Variants in SRGAP3 observed in about 807,000 individuals in gnomAD.
SRGAP3 encodes the protein SLIT-ROBO Rho GTPase activating protein 3.
SRGAP3 carries 39 observed loss-of-function variants against 121.1 expected under a neutral mutation model. That is an observed-to-expected ratio of 0.32 (90% CI 0.25 to 0.42). The LOEUF is 0.42. SRGAP3 is among the 10% of genes least tolerant of loss of function. The probability of loss-of-function intolerance (pLI) is 1.00; values close to 1 mark genes in which losing one functional copy is unlikely to be tolerated. For missense variants in SRGAP3, 1,213 were observed against 1,470.6 expected, an observed-to-expected ratio of 0.82 and a Z score of 2.86; for synonymous variants, 601 against 570.0, an observed-to-expected ratio of 1.05 and a Z score of -0.77.
chr3:9,150,793 G>A (rs534284112), intron 1 of SRGAP3, among the ~76,000 whole-genome samples: 1 of 152,344 alleles, frequency 6.6e-6, no homozygotes, highest in South Asian at 2.1e-4. Flanking sequence ...GTGTGTTGTG[G>A]CATTCATTCA....
intron 3 of SRGAP3, among the ~76,000 whole-genome samples, chr3:9,269,119 T>C (rs185660276): frequency 6.6e-6 from 1 of 152,314 alleles, no homozygotes; most frequent in East Asian, 1.9e-4. Context: ...ACAGGTCATA[T>C]CTTGAAAGGT....
intron 18 of SRGAP3, among the ~76,000 whole-genome samples, chr3:8,999,077 C>T (rs1481515987): frequency 6.6e-6 from 1 of 152,244 alleles, no homozygotes; most frequent in East Asian, 1.9e-4. Context: ...TGCAATTCAA[C>T]TCCTGTGTAT....
chr3:9,233,867 A>G (rs1272732605), intron 1 of SRGAP3, among the ~76,000 whole-genome samples: 3 of 152,212 alleles, frequency 2.0e-5, no homozygotes, highest in African/African-American at 7.2e-5. Flanking sequence ...GGCAGGGAAC[A>G]TAGTAGGAGC....
intron 2 of SRGAP3, among the ~76,000 whole-genome samples, chr3:9,123,793 G>GAA (rs1295511607): frequency 2.7e-5 from 4 of 145,876 alleles, no homozygotes; most frequent in South Asian, 2.2e-4. Flanking sequence ...TACACAGAGA[G>GAA]AGAGAGAGAG....
intron 21 of SRGAP3, 142 bp from the exon 22 acceptor site, chr3:8,986,074 A>G: frequency 6.6e-7 from 1 of 1,509,514 alleles, no homozygotes; most frequent in Non-Finnish European, 8.9e-7. Context: ...AGGATGTCTT[A>G]TAACCACATG....
chr3:9,170,744 G>A (rs1169392852), intron 1 of SRGAP3, among the ~76,000 whole-genome samples: 6 of 152,226 alleles, frequency 3.9e-5, no homozygotes, highest in Admixed American at 3.9e-4. Context: ...GAGGCCCAAG[G>A]AGGTGAGGGC....
rs148947845 is a variant in SRGAP3 at position 9,258,886 on chromosome 3, C to T, written n.442+67124G>A. Among the ~76,000 whole-genome samples the T allele has an allele frequency of 5.8e-4, 89 of 152,270 alleles. 2 individuals carry two copies. In the East Asian group the frequency reaches 6.2e-3, roughly 11 times the overall value. On this transcript the variant is annotated intron_variant and non_coding_transcript_variant, in intron 3 of 3. Coordinates refer to the SRGAP3 transcript ENST00000490889. Reference sequence around the variant, plus strand: ...CCTATTTGCGATCAACCCTGGAACCCGAGTGAGCTTTTCACGTGTGAATCA... The same window carrying T: ...CCTATTTGCGATCAACCCTGGAACCTGAGTGAGCTTTTCACGTGTGAATCA...
chr3:9,143,433 C>G (rs1030552871), intron 1 of SRGAP3, among the ~76,000 whole-genome samples: 1 of 152,182 alleles, frequency 6.6e-6, no homozygotes, highest in African/African-American at 2.4e-5. Context: ...CTCTTATGTT[C>G]TCCCTTCTGA....
intron 19 of SRGAP3, 40 bp from the exon 20 acceptor site, chr3:8,993,095 C>G: frequency 6.2e-7 from 1 of 1,611,934 alleles, no homozygotes. Flanking sequence ...CACCTTCCCC[C>G]AAAGAACCCA....
At position 8,990,636 on chromosome 3, in the gene SRGAP3, C is replaced by T; in HGVS notation, c.2762G>A (p.Gly921Asp). Residue 921 changes from glycine (G) to aspartate (D), a missense_variant, in exon 21 of 22, where the codon GGC becomes GAC. Physicochemically the swap from Gly to Asp is moderately conservative, Grantham distance 94. Around this residue, in one of 2 missense-constraint regions of SRGAP3, gnomAD observed 420 missense variants for 437.7 expected, o/e 0.96. Transcript: ENST00000383836. ...KRRMATFGSAGSINYPDKKAL... is the reference protein window; with the variant it reads ...KRRMATFGSADSINYPDKKAL... ...CTTCTTGTCAGGGTAGTTGATGCTG[C>T]CAGCGCTCCCGAACGTCGCCATCCT... 1 of 1,613,532 alleles carries T rather than the reference C, an allele frequency of 6.2e-7. No individual in the cohort carries two copies. The highest frequency in any genetic ancestry group is 8.5e-7 in the Non-Finnish European group (1 of 1,179,894).
chr3:9,206,233 T>C (rs770858848), intron 1 of SRGAP3, among the ~76,000 whole-genome samples: 130 of 152,310 alleles, frequency 8.5e-4, no homozygotes, highest in Non-Finnish European at 1.4e-3. Flanking sequence ...CTACGTGCAT[T>C]ATTGCATTTA....
chr3:8,995,256 G>C (rs926019639), intron 18 of SRGAP3, among the ~76,000 whole-genome samples: 1 of 152,174 alleles, frequency 6.6e-6, no homozygotes, highest in Non-Finnish European at 1.5e-5. Context: ...AGGATCGCTT[G>C]AGTCCAGGAG....
At chr3:9,064,054 C>T (rs1015715818) in intron 5 of SRGAP3, among the ~76,000 whole-genome samples, 2 of 152,192 alleles carry the variant, frequency 1.3e-5, no homozygotes, top group African/African-American at 4.8e-5. Flanking sequence ...CCCCTGCTCC[C>T]GCTAATGCCT....
intron 18 of SRGAP3, among the ~76,000 whole-genome samples, chr3:8,998,714 C>T (rs893519258): frequency 2.6e-5 from 4 of 152,156 alleles, no homozygotes; most frequent in African/African-American, 9.7e-5. Flanking sequence ...ACTCCTAGAA[C>T]AGACCCTAGG....
chr3:9,229,167 A>C (rs1384562940), intron 1 of SRGAP3, among the ~76,000 whole-genome samples: 1 of 152,006 alleles, frequency 6.6e-6, no homozygotes, highest in Admixed American at 6.5e-5. Flanking sequence ...AGGAAAGGTG[A>C]TATTATGGAC....
At chr3:9,310,537 G>A (rs986542945) in intron 3 of SRGAP3, among the ~76,000 whole-genome samples, 1 of 152,028 alleles carries the variant, frequency 6.6e-6, no homozygotes, top group Non-Finnish European at 1.5e-5. Flanking sequence ...AGTGCTTCTG[G>A]GAAGAGGTGC....
At chr3:9,301,186 C>T (rs1559266784) in intron 3 of SRGAP3, among the ~76,000 whole-genome samples, 1 of 152,176 alleles carries the variant, frequency 6.6e-6, no homozygotes, top group Non-Finnish European at 1.5e-5. Context: ...TAGGTTGGTT[C>T]CTGTTGTTTC....
chr3:9,216,726 A>ACCGCAGCACATGAG (rs1483520396), intron 1 of SRGAP3: 2 of 152,612 alleles, frequency 1.3e-5, no homozygotes, highest in Non-Finnish European at 2.9e-5. Flanking sequence ...AACTGACAAG[A>ACCGCAGCACATGAG]CCGCAGCACA....
chr3:9,026,920 C>A lies in SRGAP3; in HGVS notation c.1600+15G>T. On this transcript the variant is annotated intron_variant, in intron 13 of 21. Coordinates refer to ENST00000383836, the MANE Select transcript of SRGAP3 (RefSeq NM_014850.4). ...CTGCAGATTGCTGAAAACACTGGCC[C>A]AAGATCCAGCTTACCATATAAATTG... is the stretch of plus-strand genomic sequence containing the variant. The A allele has an allele frequency of 6.2e-7, 1 of 1,614,148 alleles. No homozygotes were observed. The highest frequency in any genetic ancestry group is 1.3e-5 in the African/African-American group (1 of 75,048).
Sources: allele counts gnomAD v4.1 joint callset (sites outside exome capture counted in the v4.1 genomes callset), GRCh38; gene constraint gnomAD v4.1.1; regional missense constraint gnomAD v4.1.1; transcripts MANE v1.5; gene names NCBI Gene and HGNC (gene_info 2026-07-23, HGNC 2026-07-21).